RGS12: variants seen among roughly 807,000 people sequenced by gnomAD.
RGS12 encodes the protein regulator of G protein signaling 12, also known as regulator of G-protein signaling 12.
Under a neutral mutation model 120.1 loss-of-function variants are expected in RGS12, and 66 were observed. That is an observed-to-expected ratio of 0.55 (90% CI 0.45 to 0.67). RGS12 has a LOEUF of 0.67. RGS12 is among the 30% of genes least tolerant of loss of function. The probability of loss-of-function intolerance (pLI) is 0.00; values close to 1 mark genes in which losing one functional copy is unlikely to be tolerated. For missense variants in RGS12, 1,859 were observed against 1,957.7 expected (o/e 0.95, Z 0.95); for synonymous variants, 827 against 804.7 (o/e 1.03, Z -0.47).
At chr4:3,302,836 A>G (rs1045822388) in intron 1 of RGS12, among the ~76,000 whole-genome samples, 37 of 151,960 alleles carry the variant, frequency 2.4e-4, no homozygotes, top group African/African-American at 8.2e-4. Context: ...TGGGGGGAGG[A>G]GAGAGGGCCC....
In RGS12 at chr4:3,414,069, C is replaced by G; in HGVS notation, c.2021-3C>G. The G allele has an allele frequency of 6.4e-7, 1 of 1,552,870 alleles. No homozygotes were observed. The highest frequency in any genetic ancestry group is 8.7e-7 in the Non-Finnish European group (1 of 1,152,520). ...GCAGGTGCTGTCTGTGCTGGTCCCGCAGAGTTGACGGGCGCCGACCTGAAG... is the reference window on the plus strand; with the variant it reads ...GCAGGTGCTGTCTGTGCTGGTCCCGGAGAGTTGACGGGCGCCGACCTGAAG... On this transcript the variant is annotated splice_region_variant and splice_polypyrimidine_tract_variant and intron_variant, in intron 4 of 17. Transcript: ENST00000336727.
intron 3 of RGS12, chr4:3,385,552 C>T (rs931571094): frequency 6.5e-6 from 1 of 152,690 alleles, no homozygotes; most frequent in African/African-American, 2.4e-5. Flanking sequence ...GATCAGGGCT[C>T]CCGTTGGGGC....
chr4:3,352,914 A>T (rs1714499467), intron 3 of RGS12, among the ~76,000 whole-genome samples: 1 of 152,206 alleles, frequency 6.6e-6, no homozygotes. Context: ...CCTACCAGCC[A>T]TTGGCTTCTG....
At chr4:3,418,901 C>G (rs936061813) in intron 9 of RGS12, 2 of 151,930 alleles carry the variant, frequency 1.3e-5, no homozygotes, top group East Asian at 3.9e-4. Flanking sequence ...CTTGATAGAG[C>G]CAGGCGTGGG....
At chr4:3,343,931 C>G (rs1222407565) in intron 3 of RGS12, among the ~76,000 whole-genome samples, 1 of 152,218 alleles carries the variant, frequency 6.6e-6, no homozygotes, top group Non-Finnish European at 1.5e-5. Flanking sequence ...AGTCCTTTTA[C>G]TTGTTGTATG....
At chr4:3,398,811 G>A (rs1164870088) in intron 4 of RGS12, among the ~76,000 whole-genome samples, 5 of 151,892 alleles carry the variant, frequency 3.3e-5, no homozygotes, top group African/African-American at 7.3e-5. Context: ...GACACATAGA[G>A]AGCTTTGTAC....
At chr4:3,421,417 T>G (rs922645373) in intron 10 of RGS12, among the ~76,000 whole-genome samples, 2 of 152,250 alleles carry the variant, frequency 1.3e-5, no homozygotes, top group African/African-American at 4.8e-5. Context: ...CAGGTATCAG[T>G]TAGCTCTTGT....
intron 1 of RGS12, among the ~76,000 whole-genome samples, chr4:3,315,447 T>C (rs1453646020): frequency 6.6e-6 from 1 of 152,212 alleles, no homozygotes; most frequent in Non-Finnish European, 1.5e-5. Flanking sequence ...CTCTGCAGTA[T>C]TGATCGAGGT....
At chr4:3,305,937 G>GTA (rs1405411931) in intron 1 of RGS12, among the ~76,000 whole-genome samples, 1 of 152,176 alleles carries the variant, frequency 6.6e-6, no homozygotes, top group East Asian at 1.9e-4. Context: ...TTTTTATTTT[G>GTA]TACTGCCTCT....
intron 6 of RGS12, among the ~76,000 whole-genome samples, 168 bp downstream of exon 6, chr4:3,415,012 TGTGTGAGAGGGGC>T (rs1722208034): frequency 1.1e-5 from 1 of 95,060 alleles, no homozygotes; most frequent in African/African-American, 4.0e-5. Context: ...GTGAGGGGCG[TGTGTGAGAGGGGC>T]GTGTGAGAGG....
At chr4:3,405,325 A>T (rs1469274563) in intron 4 of RGS12, among the ~76,000 whole-genome samples, 1 of 152,222 alleles carries the variant, frequency 6.6e-6, no homozygotes, top group Non-Finnish European at 1.5e-5. Context: ...CAGTAAACTG[A>T]CACCACGTGC....
intron 4 of RGS12, among the ~76,000 whole-genome samples, chr4:3,405,432 C>T (rs1721005310): frequency 6.6e-6 from 1 of 152,206 alleles, no homozygotes; most frequent in African/African-American, 2.4e-5. Flanking sequence ...GAGGGGCAGT[C>T]TTAAAAATAA....
chr4:3,376,084 G>A (rs900537205), intron 3 of RGS12, among the ~76,000 whole-genome samples: 2 of 152,210 alleles, frequency 1.3e-5, no homozygotes, highest in African/African-American at 2.4e-5. Flanking sequence ...GCTGTCCCAG[G>A]AGGACACTAC....
chr4:3,306,684 G>T (rs1427541027), intron 1 of RGS12, among the ~76,000 whole-genome samples: 1 of 152,214 alleles, frequency 6.6e-6, no homozygotes, highest in Non-Finnish European at 1.5e-5. Context: ...AGTAACTGGT[G>T]CAGGGGACCG....
chr4:3,410,399 A>C (rs1721605912), intron 4 of RGS12, among the ~76,000 whole-genome samples: 1 of 152,200 alleles, frequency 6.6e-6, no homozygotes, highest in Non-Finnish European at 1.5e-5. Context: ...GTATGTGCCC[A>C]TGCACTGGAA....
At chr4:3,338,630 A>G (rs1712738190) in intron 2 of RGS12, among the ~76,000 whole-genome samples, 1 of 151,210 alleles carries the variant, frequency 6.6e-6, no homozygotes, top group Non-Finnish European at 1.5e-5. Flanking sequence ...GGCCAGGGTG[A>G]CCGGCCTCTG....
Position 3,436,932 on chromosome 4 carries a change from G to T in RGS12, c.4115-2523G>T, listed in dbSNP as rs115676437. ...GGTTCACAGGTGGCCCAAGCGGCAG[G>T]GAACAAGATCCCAGTGTGGCCTCAG... On this transcript the variant is annotated intron_variant, in intron 17 of 17. Transcript: ENST00000336727. Among the ~76,000 whole-genome samples the T allele has an allele frequency of 6.4e-3, 969 of 152,336 alleles. 6 individuals are homozygous for T. Among genetic ancestry groups the T allele is most frequent in the African/African-American group, 0.022 (907 of 41,580 alleles).
At chr4:3,395,075 C>T (rs1719916977) in intron 4 of RGS12, among the ~76,000 whole-genome samples, 1 of 152,026 alleles carries the variant, frequency 6.6e-6, no homozygotes, top group Non-Finnish European at 1.5e-5. Flanking sequence ...TGCCTGTAAT[C>T]CCAGCTACTA....
chr4:3,356,079 C>T (rs1714869164), intron 3 of RGS12, among the ~76,000 whole-genome samples: 1 of 125,658 alleles, frequency 8.0e-6, no homozygotes. Flanking sequence ...TTTGAGATAG[C>T]TTCTTGCTCT....
Sources: allele counts gnomAD v4.1 joint callset (sites outside exome capture counted in the v4.1 genomes callset), GRCh38; gene constraint gnomAD v4.1.1; transcripts MANE v1.5; gene names NCBI Gene and HGNC (gene_info 2026-07-23, HGNC 2026-07-21).